Variants in CMC1 observed in about 807,000 individuals in gnomAD.
CMC1 encodes COX assembly mitochondrial protein homolog.
CMC1 carries 14 observed loss-of-function variants against 14.1 expected under a neutral mutation model. That is an observed-to-expected ratio of 0.99 (90% CI 0.66 to 1.55). The LOEUF (loss-of-function observed/expected upper bound fraction) is 1.55. Among genes scored for constraint, CMC1 ranks in the 40% most tolerant of loss-of-function variants. The pLI is 0.00. For synonymous variants in CMC1, 50 were observed against 38.4 expected, an observed-to-expected ratio of 1.30 and a Z score of -1.12; for missense variants, 127 against 123.8, an observed-to-expected ratio of 1.03 and a Z score of -0.12.
intron 2 of CMC1, among the ~76,000 whole-genome samples, chr3:28,273,321 A>G (rs1700395399): frequency 6.6e-6 from 1 of 152,040 alleles, no homozygotes; most frequent in Admixed American, 6.6e-5. Flanking sequence ...CAAATAACTT[A>G]TTTATTTCTG....
At position 28,241,678 on chromosome 3, in the gene CMC1, G is replaced by T; in HGVS notation, c.-116G>T. On this transcript the variant is annotated 5_prime_UTR_variant, in exon 1 of 4. Transcript: ENST00000466830. ...TGCTTTGCAAAGGGCCCGTGTTTCT[G>T]TTGCGGGAAGCTCCCGGGGGTCGCA... 8.1e-7 allele frequency: 1 copy of T among 1,235,632 alleles called. No homozygotes were observed. The allele number at this position is 1,235,632 out of a possible 1,614,324, so 76.5% of individuals were successfully genotyped here. A position where few individuals can be genotyped will look rare whatever the true frequency, so the allele number is the denominator to read the frequency against.
chr3:28,255,271 C>T (rs1344544756), intron 1 of CMC1, among the ~76,000 whole-genome samples: 4 of 144,890 alleles, frequency 2.8e-5, no homozygotes, highest in Non-Finnish European at 6.0e-5. Context: ...GACAGAGTCT[C>T]GCTCTGTCTC....
chr3:28,298,970 T>C (rs1385286801), intron 2 of CMC1, among the ~76,000 whole-genome samples: 3 of 152,084 alleles, frequency 2.0e-5, no homozygotes, highest in Non-Finnish European at 4.4e-5. Context: ...TATCTGTGCC[T>C]GAAACAAGCC....
chr3:28,243,120 A>G (rs1185851413), intron 1 of CMC1, among the ~76,000 whole-genome samples: 1 of 152,048 alleles, frequency 6.6e-6, no homozygotes, highest in Non-Finnish European at 1.5e-5. Flanking sequence ...CAGTGGCGCT[A>G]TCTCGGCTCA....
chr3:28,253,612 CA>C (rs1403591387), intron 1 of CMC1: 14 of 462,944 alleles, frequency 3.0e-5, no homozygotes, highest in South Asian at 1.8e-4. Context: ...AAAAACCCCC[CA>C]AAAAACTCCC....
In CMC1 at chr3:28,321,966, A is replaced by G. The variant is rs555701762; in HGVS notation, c.*2337A>G. 20 of 151,384 alleles carry G rather than the reference A, an allele frequency of 1.3e-4. No homozygotes were observed. The highest frequency in any genetic ancestry group is 4.6e-4 in the Admixed American group (7 of 15,124). The allele number at this position is 151,384 out of a possible 1,614,324, so 9.4% of individuals were successfully genotyped here. ...AAGCTCTTTAGAGCAAGTTTCAGCT[A>G]GTATGAAAGAAGTCAACATAAAATA... On this transcript the variant is annotated 3_prime_UTR_variant, in exon 4 of 4. Transcript: ENST00000466830.
intron 1 of CMC1, among the ~76,000 whole-genome samples, chr3:28,243,781 G>GA (rs34850459): frequency 0.22 from 34,095 of 152,120 alleles, 3,918 homozygotes; most frequent in Middle Eastern, 0.28. Context: ...TCTAGTGGTA[G>GA]AAAAAACAAT....
chr3:28,242,122 A>G (rs1426721752), intron 1 of CMC1, among the ~76,000 whole-genome samples: 1 of 152,218 alleles, frequency 6.6e-6, no homozygotes, highest in African/African-American at 2.4e-5. Flanking sequence ...CATTTAATGT[A>G]TGCTGCAGAC....
At chr3:28,269,722 C>T (rs922489014) in intron 2 of CMC1, among the ~76,000 whole-genome samples, 3 of 152,140 alleles carry the variant, frequency 2.0e-5, no homozygotes, top group African/African-American at 4.8e-5. Context: ...CACGCCATGA[C>T]GCCTCGCTAA....
At chr3:28,274,642 A>G (rs952547735) in intron 2 of CMC1, among the ~76,000 whole-genome samples, 1 of 152,010 alleles carries the variant, frequency 6.6e-6, no homozygotes, top group African/African-American at 2.4e-5. Context: ...AATTTCCCTA[A>G]TTTGAATGTT....
intron 2 of CMC1, among the ~76,000 whole-genome samples, chr3:28,264,516 A>T (rs1191911895): frequency 6.6e-6 from 1 of 152,110 alleles, no homozygotes; most frequent in African/African-American, 2.4e-5. Context: ...ATAACCATCC[A>T]ATGGTTTTAC....
chr3:28,264,319 A>G (rs1053912925), intron 2 of CMC1, among the ~76,000 whole-genome samples: 1 of 152,122 alleles, frequency 6.6e-6, no homozygotes, highest in Non-Finnish European at 1.5e-5. Flanking sequence ...GGACTGGGTC[A>G]ATAACATTTG....
intron 2 of CMC1, among the ~76,000 whole-genome samples, chr3:28,303,777 T>C (rs1408857327): frequency 6.6e-6 from 1 of 152,144 alleles, no homozygotes; most frequent in Non-Finnish European, 1.5e-5. Context: ...TTTACAGTTA[T>C]TCATTTATAT....
chr3:28,252,932 C>A (rs181016116), intron 1 of CMC1, among the ~76,000 whole-genome samples: 1 of 152,114 alleles, frequency 6.6e-6, no homozygotes, highest in African/African-American at 2.4e-5. Flanking sequence ...TGGAGCATTG[C>A]GGGGAAGAAA....
At chr3:28,250,909 T>A (rs1576974324) in intron 1 of CMC1, among the ~76,000 whole-genome samples, 2 of 152,350 alleles carry the variant, frequency 1.3e-5, no homozygotes, top group African/African-American at 4.8e-5. Context: ...CCTTTAAGAT[T>A]TCCCTTTGGA....
At chr3:28,315,107 G>A (rs1359740612) in intron 2 of CMC1, 5 of 152,192 alleles carry the variant, frequency 3.3e-5, no homozygotes. Context: ...GATGAGGGGT[G>A]GCAGAGTCTG....
intron 1 of CMC1, among the ~76,000 whole-genome samples, chr3:28,249,228 A>G (rs1479593442): frequency 2.0e-5 from 3 of 152,228 alleles, no homozygotes; most frequent in Admixed American, 6.5e-5. Context: ...TTACCTAAAC[A>G]TGACTAATTG....
intron 2 of CMC1, 150 bp downstream of exon 2, chr3:28,263,530 A>G: frequency 1.9e-6 from 1 of 527,084 alleles, no homozygotes; most frequent in Non-Finnish European, 3.4e-6. Context: ...TTCAGCTTTC[A>G]GAACTTCCAG....
chr3:28,299,363 G>A (rs2125569880), intron 2 of CMC1, among the ~76,000 whole-genome samples: 1 of 152,220 alleles, frequency 6.6e-6, no homozygotes, highest in African/African-American at 2.4e-5. Flanking sequence ...TCTTAATCAG[G>A]TGAGAATTAA....
Sources: allele counts gnomAD v4.1 joint callset (sites outside exome capture counted in the v4.1 genomes callset), GRCh38; gene constraint gnomAD v4.1.1; transcripts MANE v1.5; gene names NCBI Gene and HGNC (gene_info 2026-07-23, HGNC 2026-07-21).